Variants in KCNQ3 observed in about 807,000 individuals in gnomAD.
KCNQ3 encodes potassium voltage-gated channel subfamily KQT member 3.
In KCNQ3, 30 loss-of-function variants were observed where a neutral mutation model predicts 92.5. The ratio of observed to expected loss-of-function variants is 0.32; its 90% CI spans 0.24 to 0.44. The LOEUF (loss-of-function observed/expected upper bound fraction) is 0.44. KCNQ3 is among the 20% of genes least tolerant of loss of function. The pLI is 1.00. For missense variants in KCNQ3, 913 were observed against 1,140.3 expected (o/e 0.80, Z 2.87); for synonymous variants, 450 against 468.8 (o/e 0.96, Z 0.52).
Position 132,129,779 on chromosome 8 carries a change from T to C in KCNQ3, c.2102A>G (p.Gln701Arg). ...GGGGCTGACTTTGTCAATGGTCACC[T>C]GGTGGAAGCTGTAGGGTGGTTCCGG... is the stretch of plus-strand genomic sequence containing the variant. ...GPPEPPYSFHQVTIDKVSPYG... is the reference protein window; with the variant it reads ...GPPEPPYSFHRVTIDKVSPYG... Residue 701 changes from glutamine to arginine, a missense_variant, in exon 15 of 15, where the codon CAG becomes CGG. Physicochemically the swap from Gln to Arg is conservative, Grantham distance 43. This residue lies in a region of KCNQ3 where 375 missense variants were observed against 376.4 expected (regional missense o/e 1.00). Transcript: ENST00000388996. The surrounding 1 kb of genome is among the most constrained non-coding windows in gnomAD (Gnocchi z 5.9). 2.5e-6 allele frequency: 4 copies of C among 1,614,204 alleles called. No individual in the cohort carries two copies. The highest frequency in any genetic ancestry group is 3.4e-6 in the Non-Finnish European group (4 of 1,180,036).
intron 1 of KCNQ3, among the ~76,000 whole-genome samples, chr8:132,231,850 G>GAGT (rs1465894500): frequency 1.3e-5 from 2 of 152,198 alleles, no homozygotes; most frequent in Non-Finnish European, 2.9e-5. Context: ...TCCTTGGCAA[G>GAGT]AGTGACTTCA....
intron 1 of KCNQ3, among the ~76,000 whole-genome samples, chr8:132,469,411 G>A (rs893445141): frequency 1.3e-5 from 2 of 152,180 alleles, no homozygotes; most frequent in African/African-American, 2.4e-5. Flanking sequence ...TATGCAGCAG[G>A]TATTGCGATG....
chr8:132,293,718 C>T (rs368645981), intron 1 of KCNQ3, among the ~76,000 whole-genome samples: 2 of 152,014 alleles, frequency 1.3e-5, no homozygotes, highest in Non-Finnish European at 2.9e-5. Flanking sequence ...GGTGGGGAGG[C>T]GTGTCATATC....
At chr8:132,226,465 G>T (rs148095362) in intron 1 of KCNQ3, among the ~76,000 whole-genome samples, 17 of 152,116 alleles carry the variant, frequency 1.1e-4, no homozygotes, top group African/African-American at 3.9e-4. Flanking sequence ...AGGGATTCAA[G>T]GTTTTGTGGT....
chr8:132,129,475 C>T lies in KCNQ3; in HGVS notation c.2406G>A (p.Arg802=). 6.2e-7 allele frequency: 1 copy of T among 1,614,194 alleles called. No individual in the cohort carries two copies. Among genetic ancestry groups the T allele is most frequent in the Non-Finnish European group, 8.5e-7 (1 of 1,180,044 alleles). Residue 802 remains arginine, a synonymous_variant, in exon 15 of 15, where the codon AGG becomes AGA. Transcript: ENST00000388996. This position sits in a 1 kb window ranked among gnomAD's most constrained non-coding sequence, Gnocchi z 5.9. ...LMSVNHEELE[R]SPSGFSISQD... ...GGGAGATGCTGAAGCCACTTGGAGA[C>T]CTCTCCAGCTCCTCGTGGTTGACCG...
intron 7 of KCNQ3, among the ~76,000 whole-genome samples, chr8:132,172,262 A>G (rs1826391826): frequency 6.6e-6 from 1 of 152,100 alleles, no homozygotes. Flanking sequence ...TGGCTTAGAA[A>G]CTGAATGAGA....
chr8:132,201,654 G>A (rs112408254), intron 1 of KCNQ3, among the ~76,000 whole-genome samples: 4,233 of 152,188 alleles, frequency 0.028, 228 homozygotes, highest in African/African-American at 0.098. Context: ...TCCATATGCC[G>A]CCTCCTGGAC....
At chr8:132,412,214 A>G (rs1586997122) in intron 1 of KCNQ3, among the ~76,000 whole-genome samples, 1 of 152,194 alleles carries the variant, frequency 6.6e-6, no homozygotes, top group Non-Finnish European at 1.5e-5. Context: ...CCAACATGAA[A>G]GAGCTTGAGA....
intron 1 of KCNQ3, among the ~76,000 whole-genome samples, chr8:132,414,809 A>C (rs1203362319): frequency 1.3e-5 from 2 of 152,240 alleles, no homozygotes; most frequent in African/African-American, 4.8e-5. Flanking sequence ...TTCACAAGGA[A>C]TTTGGAGCCA....
At chr8:132,156,129 C>G (rs78768113) in intron 9 of KCNQ3, among the ~76,000 whole-genome samples, 8,751 of 152,036 alleles carry the variant, frequency 0.058, 370 homozygotes, top group South Asian at 0.12. Context: ...AATGTTTTCT[C>G]CATTTACCCA....
At chr8:132,254,070 A>T (rs1815498338) in intron 1 of KCNQ3, among the ~76,000 whole-genome samples, 3 of 152,252 alleles carry the variant, frequency 2.0e-5, no homozygotes, top group African/African-American at 7.2e-5. Flanking sequence ...AGTGTGACTC[A>T]GTGATCAACA....
intron 1 of KCNQ3, among the ~76,000 whole-genome samples, chr8:132,406,850 GT>G (rs1365779677): frequency 6.6e-6 from 1 of 152,158 alleles, no homozygotes; most frequent in African/African-American, 2.4e-5. Context: ...TGGGCTTAAA[GT>G]TCTAAAAAGG....
rs1824645790 is a variant in KCNQ3, at chr8:132,125,791, T to C, written c.*3471A>G. On this transcript the variant is annotated 3_prime_UTR_variant, in exon 15 of 15. Coordinates refer to ENST00000388996, the MANE Select transcript of KCNQ3 (RefSeq NM_004519.4). ...GTTATGTTTTCATGAAAACTAGGGC[T>C]TTGTAATATCAATGTCATGTCTAAT... is the stretch of plus-strand genomic sequence containing the variant. 6.6e-6 allele frequency: 1 copy of C among 152,208 alleles called. No individual in the cohort carries two copies. The highest frequency in any genetic ancestry group is 1.5e-5 in the Non-Finnish European group (1 of 68,032). The allele number at this position is 152,208 out of a possible 1,614,324, so 9.4% of individuals were successfully genotyped here.
intron 1 of KCNQ3, among the ~76,000 whole-genome samples, chr8:132,438,506 T>C (rs1821453283): frequency 2.6e-5 from 4 of 152,114 alleles, no homozygotes; most frequent in Admixed American, 2.6e-4. Flanking sequence ...CAACAGGAGA[T>C]GTGCTCAGAA....
chr8:132,293,806 T>C (rs1563844692), intron 1 of KCNQ3, among the ~76,000 whole-genome samples: 1 of 152,164 alleles, frequency 6.6e-6, no homozygotes. Context: ...AGTTGTTATC[T>C]GGAAATGGCA....
chr8:132,235,485 A>G (rs749071030), intron 1 of KCNQ3, among the ~76,000 whole-genome samples: 16 of 152,190 alleles, frequency 1.1e-4, no homozygotes, highest in Non-Finnish European at 2.1e-4. Flanking sequence ...TGGGCGACAG[A>G]GTGAGACGCC....
intron 11 of KCNQ3, among the ~76,000 whole-genome samples, chr8:132,139,664 A>G (rs1329874434): frequency 4.6e-5 from 7 of 152,214 alleles, no homozygotes; most frequent in Non-Finnish European, 7.3e-5. Context: ...CTTGTTAAAA[A>G]TGCGAACTAA....
intron 1 of KCNQ3, among the ~76,000 whole-genome samples, chr8:132,304,012 G>A (rs1817340751): frequency 2.0e-5 from 3 of 151,972 alleles, no homozygotes; most frequent in African/African-American, 7.2e-5. Flanking sequence ...AACATGGATG[G>A]AACTGGAGGC....
chr8:132,382,396 C>A (rs1819775436), intron 1 of KCNQ3, among the ~76,000 whole-genome samples: 1 of 152,144 alleles, frequency 6.6e-6, no homozygotes, highest in South Asian at 2.1e-4. Context: ...CATCTCTCAC[C>A]ATGCGACATG....
Sources: allele counts gnomAD v4.1 joint callset (sites outside exome capture counted in the v4.1 genomes callset), GRCh38; gene constraint gnomAD v4.1.1; regional missense constraint gnomAD v4.1.1; non-coding constraint Gnocchi (gnomAD v3.1); transcripts MANE v1.5; gene names NCBI Gene and HGNC (gene_info 2026-07-23, HGNC 2026-07-21).